Variants in TRPS1 observed in about 807,000 individuals in gnomAD.
TRPS1 encodes the protein zinc finger transcription factor Trps1.
A neutral mutation model predicts 101.2 loss-of-function variants in TRPS1; 6 were observed. That is an observed-to-expected ratio of 0.06 (90% CI 0.03 to 0.12). The LOEUF is 0.12. TRPS1 is among the 10% of genes least tolerant of loss of function. The pLI, the probability that TRPS1 is intolerant of heterozygous loss-of-function variation, is 1.00. For missense variants in TRPS1, 1,363 were observed against 1,567.0 expected, an observed-to-expected ratio of 0.87 and a Z score of 2.20; for synonymous variants, 578 against 589.8, an observed-to-expected ratio of 0.98 and a Z score of 0.29.
chr8:115,569,336 C>A (rs1408955193), intron 5 of TRPS1, among the ~76,000 whole-genome samples: 1 of 152,086 alleles, frequency 6.6e-6, no homozygotes, highest in Non-Finnish European at 1.5e-5. Context: ...ACCCTCTCTC[C>A]CTCCTTTACT....
chr8:115,653,847 C>T (rs1326510151), intron 1 of TRPS1, among the ~76,000 whole-genome samples: 1 of 152,166 alleles, frequency 6.6e-6, no homozygotes, highest in Non-Finnish European at 1.5e-5. Context: ...GACACACCTC[C>T]TCCTCCACCT....
chr8:115,668,480 GC>G (rs1295292483), intron 1 of TRPS1, 64 bp downstream of exon 1: 3 of 145,138 alleles, frequency 2.1e-5, no homozygotes, highest in African/African-American at 7.4e-5. Context: ...GCCGAGGGGC[GC>G]CCGCGCCCCC....
chr8:115,616,509 C>G (rs1818279007), intron 3 of TRPS1, among the ~76,000 whole-genome samples: 1 of 148,918 alleles, frequency 6.7e-6, no homozygotes, highest in African/African-American at 2.5e-5. Context: ...CAGTGTTTTG[C>G]TTTTGGCTTC....
In TRPS1 at chr8:115,478,160, A is replaced by G. The variant is rs149955450; in HGVS notation, c.2701-59708T>C. Among the ~76,000 whole-genome samples the G allele has an allele frequency of 8.3e-3, 1,262 of 152,330 alleles. 11 individuals are homozygous for G. Among genetic ancestry groups the G allele is most frequent in the Non-Finnish European group, 0.011 (722 of 68,020 alleles). Reference sequence around the variant, plus strand: ...AATAGATGCCTCAAAAGATACAGCAATTTACATCAAAGTACTCACTAGCCT... The same window carrying G: ...AATAGATGCCTCAAAAGATACAGCAGTTTACATCAAAGTACTCACTAGCCT... On this transcript the variant is annotated intron_variant, in intron 5 of 6. Coordinates refer to ENST00000395715, the MANE Select transcript of TRPS1 (RefSeq NM_014112.5).
intron 1 of TRPS1, among the ~76,000 whole-genome samples, chr8:115,665,156 CA>C (rs1811891943): frequency 6.6e-6 from 1 of 152,132 alleles, no homozygotes; most frequent in Admixed American, 6.5e-5. Context: ...GGTCAGTTAT[CA>C]GCATTTATTC....
intron 5 of TRPS1, among the ~76,000 whole-genome samples, chr8:115,542,881 A>G (rs1426254913): frequency 6.6e-6 from 1 of 152,186 alleles, no homozygotes; most frequent in Non-Finnish European, 1.5e-5. Flanking sequence ...ACCTACTCTG[A>G]AATAATCATA....
intron 1 of TRPS1, chr8:115,667,789 G>A: frequency 1.3e-6 from 2 of 1,505,690 alleles, no homozygotes; most frequent in Non-Finnish European, 1.8e-6. Flanking sequence ...GCCAAAGGCA[G>A]TCCTGTGCTG....
At chr8:115,608,362 C>T (rs550310043) in intron 3 of TRPS1, among the ~76,000 whole-genome samples, 4 of 152,238 alleles carry the variant, frequency 2.6e-5, no homozygotes, top group Admixed American at 6.5e-5. Flanking sequence ...ACTAAGTGTT[C>T]GGCTTGTGTC....
chr8:115,503,252 T>A (rs1272325592), intron 5 of TRPS1, among the ~76,000 whole-genome samples: 2 of 52,782 alleles, frequency 3.8e-5, no homozygotes, highest in African/African-American at 1.5e-4. Context: ...AGAGCAAGAC[T>A]CTGTCTCAAA....
At chr8:115,533,448 T>A (rs935236788) in intron 5 of TRPS1, among the ~76,000 whole-genome samples, 4 of 130,058 alleles carry the variant, frequency 3.1e-5, no homozygotes, top group African/African-American at 1.3e-4. Context: ...TTTTTTTTTT[T>A]TTTTTTTTTT....
At chr8:115,644,440 ATC>A (rs1180021504) in intron 1 of TRPS1, among the ~76,000 whole-genome samples, 2 of 152,052 alleles carry the variant, frequency 1.3e-5, no homozygotes, top group Admixed American at 6.6e-5. Flanking sequence ...CAACTTCTTT[ATC>A]TCTCTCTCAG....
At chr8:115,601,383 C>T (rs1021469570) in intron 4 of TRPS1, among the ~76,000 whole-genome samples, 2 of 152,148 alleles carry the variant, frequency 1.3e-5, no homozygotes, top group African/African-American at 4.8e-5. Context: ...TTCTAAACAT[C>T]CACGTGACTA....
intron 5 of TRPS1, among the ~76,000 whole-genome samples, chr8:115,502,495 T>C (rs1194866659): frequency 6.6e-6 from 1 of 152,188 alleles, no homozygotes; most frequent in Non-Finnish European, 1.5e-5. Flanking sequence ...TGTAAGACTG[T>C]AGGTTTCAAA....
rs574818752 is a variant in TRPS1, at chr8:115,664,711, C to T, written c.-122+3834G>A. Among the ~76,000 whole-genome samples, 28 of 152,194 alleles carry T rather than the reference C, an allele frequency of 1.8e-4. 1 individual carries two copies. In the South Asian group the frequency reaches 4.6e-3, roughly 25 times the overall value. Reference sequence around the variant, plus strand: ...ACAAAATACGAGCCCATAAAACTTGCGGGTTTTTATCAAATTGATTGTAAC... The same window carrying T: ...ACAAAATACGAGCCCATAAAACTTGTGGGTTTTTATCAAATTGATTGTAAC... On this transcript the variant is annotated intron_variant, in intron 1 of 6. Coordinates refer to ENST00000395715, the MANE Select transcript of TRPS1 (RefSeq NM_014112.5).
intron 5 of TRPS1, among the ~76,000 whole-genome samples, chr8:115,499,656 A>T (rs1815252874): frequency 6.6e-6 from 1 of 152,254 alleles, no homozygotes; most frequent in Admixed American, 6.5e-5. Context: ...AAACTCGCAG[A>T]TGTCTCTAGT....
rs183684913 is a variant in TRPS1, at chr8:115,453,194, T to C, written c.2701-34742A>G. ...CACCACCACATCCAGCTACCTTTTG[T>C]ATTTTTAGTAGAGACGGGGTTTCAC... is the stretch of plus-strand genomic sequence containing the variant. On this transcript the variant is annotated intron_variant, in intron 5 of 6. Transcript: ENST00000395715. Among the ~76,000 whole-genome samples, 14 of 152,234 alleles carry C rather than the reference T, an allele frequency of 9.2e-5. No homozygotes were observed. The East Asian group carries it at 2.7e-3, about 29-fold the overall frequency.
intron 5 of TRPS1, among the ~76,000 whole-genome samples, chr8:115,432,732 T>TA (rs1170909474): frequency 6.6e-6 from 1 of 151,884 alleles, no homozygotes; most frequent in Non-Finnish European, 1.5e-5. Context: ...TAGTGCAGGA[T>TA]AAAAAAATAG....
At chr8:115,652,832 A>C (rs1027814734) in intron 1 of TRPS1, among the ~76,000 whole-genome samples, 1 of 152,254 alleles carries the variant, frequency 6.6e-6, no homozygotes, top group Non-Finnish European at 1.5e-5. Context: ...TCAAGTATAA[A>C]ATAGTTTAAA....
Position 115,619,717 on chromosome 8 carries a change from T to A in TRPS1, c.381A>T (p.Ser127=), listed in dbSNP as rs374433977. 17 of 1,614,048 alleles carry A rather than the reference T, an allele frequency of 1.1e-5. No homozygotes were observed. The highest frequency in any genetic ancestry group is 1.7e-5 in the Admixed American group (1 of 59,996). ...CACAGACTCCCCCAGCAGCTGGAGA[T>A]GAGAAAGCCAACATATTTCTGTCTG... is the stretch of plus-strand genomic sequence containing the variant. ...EVTDRNMLAF[S]SPAAGGVCEP... is the part of the protein sequence containing the mutation. Residue 127 remains serine (S), a synonymous_variant, in exon 3 of 7, where the codon TCA becomes TCT. Coordinates refer to ENST00000395715, the MANE Select transcript of TRPS1 (RefSeq NM_014112.5).
Sources: gnomAD v4.1 joint callset for allele counts (sites outside exome capture counted in the v4.1 genomes callset) on GRCh38, gnomAD v4.1.1 for gene constraint, MANE v1.5 for transcripts, NCBI Gene and HGNC (gene_info 2026-07-23, HGNC 2026-07-21) for gene names.